PPP1R12B: variants seen among roughly 807,000 people sequenced by gnomAD.
PPP1R12B encodes the protein protein phosphatase 1 regulatory subunit 12B, also known as myosin phosphatase target subunit 2.
Under a neutral mutation model 126.1 loss-of-function variants are expected in PPP1R12B, and 76 were observed. That is an observed-to-expected ratio of 0.60 (90% CI 0.50 to 0.73). The LOEUF is 0.73. Ranked by LOEUF, PPP1R12B falls within the 30% of genes least tolerant of loss-of-function variation. The pLI, the probability that PPP1R12B is intolerant of heterozygous loss-of-function variation, is 0.00. For missense variants in PPP1R12B, 1,052 were observed against 1,205.1 expected (o/e 0.87, Z 1.88); for synonymous variants, 356 against 434.7 (o/e 0.82, Z 2.25).
At position 202,493,145 on chromosome 1, in the gene PPP1R12B, A is replaced by C; in HGVS notation, c.1973A>C (p.Glu658Ala). The change falls in exon 15 of 24, where the codon GAA becomes GCA. Residue 658 changes from glutamate to alanine, a missense_variant. Coordinates refer to ENST00000608999, the MANE Select transcript of PPP1R12B (RefSeq NM_002481.4). ...ACCCTAACAGACCTTCAAGAAGCAG[A>C]AAGGACATTCAGCCGGTCGAGGGCA... ...GVTLTDLQEA[E>A]RTFSRSRAER... 1.2e-6 allele frequency: 2 copies of C among 1,612,082 alleles called. No homozygotes were observed. Among genetic ancestry groups the C allele is most frequent in the Non-Finnish European group, 1.7e-6 (2 of 1,179,834 alleles).
At chr1:202,558,506 A>T in intron 18 of PPP1R12B, 1 of 179,110 alleles carries the variant, frequency 5.6e-6, no homozygotes, top group Non-Finnish European at 1.2e-5. Context: ...CAGAGAGGCC[A>T]AATGTCACAT....
At chr1:202,405,686 C>T (rs1169717167) in intron 1 of PPP1R12B, among the ~76,000 whole-genome samples, 3 of 152,104 alleles carry the variant, frequency 2.0e-5, no homozygotes, top group African/African-American at 7.2e-5. Context: ...GTCCCAAGAA[C>T]ACAAAACTAC....
At position 202,433,653 on chromosome 1, in the gene PPP1R12B, C is replaced by T. The variant is rs147586755; in HGVS notation, c.1142-1003C>T. Among the ~76,000 whole-genome samples, 16 of 152,202 alleles carry T rather than the reference C, an allele frequency of 1.1e-4. 1 individual carries two copies. The highest frequency in any genetic ancestry group is 3.4e-4 in the African/African-American group (14 of 41,526). Reference sequence around the variant, plus strand: ...TTCTGAACATTTGTACCATTTAAGCCGAAATTCATTTCAGGCCATCAATGC... The same window carrying T: ...TTCTGAACATTTGTACCATTTAAGCTGAAATTCATTTCAGGCCATCAATGC... On this transcript the variant is annotated intron_variant, in intron 8 of 23. Coordinates refer to ENST00000608999, the MANE Select transcript of PPP1R12B (RefSeq NM_002481.4).
intron 1 of PPP1R12B, among the ~76,000 whole-genome samples, chr1:202,380,260 C>A (rs751276722): frequency 6.6e-6 from 1 of 152,110 alleles, no homozygotes; most frequent in East Asian, 1.9e-4. Context: ...TTCTTGTTCT[C>A]ATGATACGTT....
intron 1 of PPP1R12B, chr1:202,369,423 C>G (rs1659838529): frequency 6.6e-6 from 1 of 152,522 alleles, no homozygotes; most frequent in Non-Finnish European, 1.5e-5. Flanking sequence ...TAAATCAGGA[C>G]TGCTCAACAA....
chr1:202,487,243 T>A (rs1304311787), intron 13 of PPP1R12B, among the ~76,000 whole-genome samples: 1 of 152,322 alleles, frequency 6.6e-6, no homozygotes, highest in African/African-American at 2.4e-5. Flanking sequence ...CATACACTAA[T>A]GATTAAAAAA....
At chr1:202,501,885 T>C in intron 18 of PPP1R12B, 2 of 985,118 alleles carry the variant, frequency 2.0e-6, no homozygotes, top group Non-Finnish European at 2.4e-6. Flanking sequence ...ATTGACTTGC[T>C]AGTAGCATCT....
At chr1:202,410,413 T>C (rs577280444) in intron 1 of PPP1R12B, among the ~76,000 whole-genome samples, 2 of 152,372 alleles carry the variant, frequency 1.3e-5, no homozygotes, top group East Asian at 3.9e-4. Flanking sequence ...CTGGGTTTTA[T>C]GGGGAAGAGA....
intron 18 of PPP1R12B, among the ~76,000 whole-genome samples, chr1:202,530,416 A>G (rs2148937112): frequency 6.6e-6 from 1 of 152,332 alleles, no homozygotes; most frequent in South Asian, 2.1e-4. Context: ...AAGGGGGAAA[A>G]GCTATGTTGT....
chr1:202,462,728 T>C (rs1401832709), intron 13 of PPP1R12B: 32 of 966,282 alleles, frequency 3.3e-5, no homozygotes, highest in Non-Finnish European at 3.8e-5. Flanking sequence ...GATTTTCCCA[T>C]GTTAGAAAAG....
chr1:202,570,698 T>C (rs1310083877), intron 23 of PPP1R12B, among the ~76,000 whole-genome samples: 1 of 152,206 alleles, frequency 6.6e-6, no homozygotes, highest in East Asian at 1.9e-4. Context: ...ACCAGTTCTT[T>C]TTTAATTTTT....
intron 12 of PPP1R12B, among the ~76,000 whole-genome samples, chr1:202,444,119 A>G (rs988027795): frequency 6.6e-6 from 1 of 152,234 alleles, no homozygotes; most frequent in Non-Finnish European, 1.5e-5. Flanking sequence ...GAGCAAGTGT[A>G]AGGAGAAATT....
At position 202,435,570 on chromosome 1, in the gene PPP1R12B, T is replaced by C. The variant is rs566786871; in HGVS notation, c.1254+802T>C. 3.3e-5 allele frequency among the ~76,000 whole-genome samples: 5 copies of C among 152,352 alleles called. No individual in the cohort carries two copies. In the East Asian group the frequency reaches 9.6e-4, roughly 29 times the overall value. On this transcript the variant is annotated intron_variant, in intron 9 of 23. Transcript: ENST00000608999. ...GAAATACCAGAGGCCCCTCCTTCTGTAACTTTGTGCAGGCCTCTGAGAATC... is the reference window on the plus strand; with the variant it reads ...GAAATACCAGAGGCCCCTCCTTCTGCAACTTTGTGCAGGCCTCTGAGAATC...
chr1:202,538,387 A>G (rs1419103436), intron 18 of PPP1R12B, among the ~76,000 whole-genome samples: 1 of 152,228 alleles, frequency 6.6e-6, no homozygotes, highest in Non-Finnish European at 1.5e-5. Flanking sequence ...GACCCCTAAT[A>G]AAGGGGTTCT....
intron 23 of PPP1R12B, among the ~76,000 whole-genome samples, chr1:202,577,442 T>C (rs1452591068): frequency 1.3e-5 from 2 of 152,222 alleles, no homozygotes; most frequent in Admixed American, 6.5e-5. Context: ...ACAGAGACTG[T>C]TTGACCTGCA....
chr1:202,456,785 A>G lies in PPP1R12B; in HGVS notation c.1850+7614A>G, dbSNP rs560385251. Among the ~76,000 whole-genome samples the G allele has an allele frequency of 3.9e-4, 60 of 152,310 alleles. 3 individuals are homozygous for G. In the South Asian group the frequency reaches 0.012, roughly 30 times the overall value. ...GATTTAATACAGAAACTGTGTCTGT[A>G]CTCTTGAAACTCTGGGGCCCTGGCA... is the stretch of plus-strand genomic sequence containing the variant. On this transcript the variant is annotated intron_variant, in intron 13 of 23. Transcript: ENST00000608999.
At chr1:202,494,763 A>C (rs1283408288) in intron 15 of PPP1R12B, among the ~76,000 whole-genome samples, 1 of 152,022 alleles carries the variant, frequency 6.6e-6, no homozygotes, top group Non-Finnish European at 1.5e-5. Context: ...AAACTACAAA[A>C]AGGAAAATGG....
rs1383997078 is a variant in PPP1R12B, at chr1:202,567,850, C to T, written c.2811+19C>T. 6.2e-7 allele frequency: 1 copy of T among 1,611,688 alleles called. No individual in the cohort carries two copies. The highest frequency in any genetic ancestry group is 1.3e-5 in the African/African-American group (1 of 74,848). ...GAAACGGGTATGCGCATGTCTGTTT[C>T]CCCCTCCACCCCATTTCATCTCTTC... On this transcript the variant is annotated intron_variant, in intron 22 of 23. Coordinates refer to ENST00000608999, the MANE Select transcript of PPP1R12B (RefSeq NM_002481.4).
At chr1:202,374,493 CTTTTTTTT>C (rs1160730172) in intron 1 of PPP1R12B, among the ~76,000 whole-genome samples, 8 of 89,506 alleles carry the variant, frequency 8.9e-5, no homozygotes, top group Non-Finnish European at 1.6e-4. Flanking sequence ...TTGTCTCTCT[CTTTTTTTT>C]TTTTTTTTTT....
Sources: gnomAD v4.1 joint callset for allele counts (sites outside exome capture counted in the v4.1 genomes callset) on GRCh38, gnomAD v4.1.1 for gene constraint, MANE v1.5 for transcripts, NCBI Gene and HGNC (gene_info 2026-07-23, HGNC 2026-07-21) for gene names.